CDH16: variants seen among roughly 807,000 people sequenced by gnomAD.
CDH16 encodes the protein cadherin 16, also known as cadherin-16.
CDH16 carries 79 observed loss-of-function variants against 87.6 expected under a neutral mutation model. The observed-to-expected ratio is 0.90, with a 90% CI of 0.75 to 1.09. The LOEUF is 1.09. Ranked by LOEUF, CDH16 falls within the 50% of genes least tolerant of loss-of-function variation. The pLI is 0.00. For synonymous variants in CDH16, 457 were observed against 439.5 expected (o/e 1.04, Z -0.50); for missense variants, 1,124 against 1,071.7 (o/e 1.05, Z -0.68).
At position 66,915,289 on chromosome 16, in the gene CDH16, G is replaced by A. The variant is rs772286543; in HGVS notation, c.514C>T (p.Pro172Ser). The A allele has an allele frequency of 6.2e-7, 1 of 1,613,998 alleles. No individual in the cohort carries two copies. The highest frequency in any genetic ancestry group is 1.7e-5 in the Admixed American group (1 of 60,018). The change falls in exon 6 of 18, where the codon CCA (proline) becomes TCA (serine). Residue 172 changes from proline (P) to serine (S), a missense_variant. Coordinates refer to ENST00000299752, the MANE Select transcript of CDH16 (RefSeq NM_004062.4). ...DLRFHILSQA[P>S]AQPSPDMFQL... is the part of the protein sequence containing the mutation. ...AACATGTCTGGGGAAGGCTGGGCTG[G>A]AGCCTGGCTCAGGATGTGGAATCGA...
intron 9 of CDH16, 25 bp from the exon 10 acceptor site, chr16:66,912,916 T>C: frequency 1.3e-6 from 2 of 1,595,768 alleles, no homozygotes; most frequent in Non-Finnish European, 1.7e-6. Context: ...CCCGCCTGGA[T>C]AGGACCACAG....
In CDH16 at chr16:66,910,207, G is replaced by A. The variant is rs563668783; in HGVS notation, c.2167+53C>T. ...GTAGAAGGGTATCTCACTTCCAAGT[G>A]ACACCCCCTCCCTGCCTTGGCCACA... On this transcript the variant is annotated intron_variant, in intron 15 of 17. Transcript: ENST00000299752. The A allele has an allele frequency of 3.9e-6, 6 of 1,556,850 alleles. 1 individual carries two copies. In the South Asian group the frequency reaches 7.3e-5, roughly 19 times the overall value.
intron 2 of CDH16, 121 bp downstream of exon 2, chr16:66,917,900 G>T: frequency 9.6e-7 from 1 of 1,046,390 alleles, no homozygotes; most frequent in Non-Finnish European, 1.4e-6. Flanking sequence ...TCCCAGCTCT[G>T]ACCCCTCCCA....
chr16:66,912,090 C>G lies in CDH16; in HGVS notation c.1599G>C (p.Gln533His), dbSNP rs1356957059. ...CTGGCCCCACCAGCTTCGCCACACTCTGCACCACCACCACCACCTCATGAC... is the reference window on the plus strand; with the variant it reads ...CTGGCCCCACCAGCTTCGCCACACTGTGCACCACCACCACCACCTCATGAC... ...APSHEVVVVV[Q>H]SVAKLVGPGP... The change falls in exon 13 of 18, where the codon CAG (glutamine) becomes CAC (histidine). Residue 533 changes from glutamine to histidine, a missense_variant. Physicochemically the swap from Gln to His is conservative, Grantham distance 24. Transcript: ENST00000299752. 6.2e-7 allele frequency: 1 copy of G among 1,614,010 alleles called. No homozygotes were observed. The highest frequency in any genetic ancestry group is 1.7e-5 in the Admixed American group (1 of 60,024).
chr16:66,917,601 G>A (rs1163661044), intron 3 of CDH16, 41 bp downstream of exon 3: 1 of 1,441,194 alleles, frequency 6.9e-7, no homozygotes, highest in Non-Finnish European at 9.7e-7. Flanking sequence ...GACTTTGCGG[G>A]GAGGGATCCC....
chr16:66,917,997 G>A, intron 2 of CDH16, 24 bp downstream of exon 2: 1 of 1,559,842 alleles, frequency 6.4e-7, no homozygotes, highest in Non-Finnish European at 8.7e-7. Context: ...AGACCTGAAG[G>A]AGAGGGGGCA....
intron 14 of CDH16, 42 bp downstream of exon 14, chr16:66,911,138 GTT>G (rs779219458): frequency 3.9e-5 from 61 of 1,575,676 alleles, no homozygotes; most frequent in South Asian, 3.4e-4. Flanking sequence ...TCTGTCTGAG[GTT>G]TGTACCCCCT....
chr16:66,913,618 G>A lies in CDH16; in HGVS notation c.781-5C>T, dbSNP rs368341038. ...ATCACCCCCACTCCAGTGTACCTGGGGGGGACACCCCGGGCCAAGGGGCAG... is the reference window on the plus strand; with the variant it reads ...ATCACCCCCACTCCAGTGTACCTGGAGGGGACACCCCGGGCCAAGGGGCAG... On this transcript the variant is annotated splice_polypyrimidine_tract_variant and splice_region_variant and intron_variant, in intron 7 of 17. Coordinates refer to ENST00000299752, the MANE Select transcript of CDH16 (RefSeq NM_004062.4). 3.1e-6 allele frequency: 5 copies of A among 1,613,824 alleles called. No homozygotes were observed. In the South Asian group the frequency reaches 3.3e-5, roughly 11 times the overall value.
Position 66,915,308 on chromosome 16 carries a change from G to A in CDH16, c.495C>T (p.Phe165=), listed in dbSNP as rs200582543. 3.1e-6 allele frequency: 5 copies of A among 1,613,998 alleles called. No individual in the cohort carries two copies. Among genetic ancestry groups the A allele is most frequent in the Non-Finnish European group, 3.4e-6 (4 of 1,179,978 alleles). The part of the protein sequence containing the change: ...EPGTANSDLR[F]HILSQAPAQP... ...GGGCTGGAGCCTGGCTCAGGATGTG[G>A]AATCGAAGATCCGAGTTGGCTGTGC... The change falls in exon 6 of 18, where the codon TTC becomes TTT. Residue 165 remains phenylalanine (F), a synonymous_variant. Coordinates refer to ENST00000299752, the MANE Select transcript of CDH16 (RefSeq NM_004062.4).
chr16:66,910,780 T>C, intron 14 of CDH16: 1 of 399,180 alleles, frequency 2.5e-6, no homozygotes, highest in Admixed American at 4.2e-5. Flanking sequence ...CTCTCTGTCC[T>C]GAGCAGTGTT....
intron 3 of CDH16, 65 bp downstream of exon 3, chr16:66,917,577 G>C (rs921075031): frequency 2.7e-6 from 3 of 1,128,464 alleles, no homozygotes; most frequent in African/African-American, 3.0e-5. Context: ...GGGTGCCAGA[G>C]GAAGGAGAAG....
rs759500751 is a variant in CDH16 at position 66,912,330 on chromosome 16, T to G, written c.1460A>C (p.Asp487Ala). ...ADLEPAFRLM[D>A]FAIERGDTEG... is the part of the protein sequence containing the mutation. ...TGTGTCTCCCCTCTCAATGGCAAAA[T>G]CCATGAGGCGGAAGGCGGGCTCGAG... is the stretch of plus-strand genomic sequence containing the variant. The change falls in exon 12 of 18, where the codon GAT (aspartate) becomes GCT (alanine). Residue 487 changes from aspartate to alanine, a missense_variant. Asp to Ala is a moderately radical substitution (Grantham distance 126). Transcript: ENST00000299752. 3.7e-6 allele frequency: 6 copies of G among 1,613,870 alleles called. No individual in the cohort carries two copies. Among genetic ancestry groups the G allele is most frequent in the Middle Eastern group, 1.7e-4 (1 of 6,060 alleles).
At chr16:66,914,158 T>G (rs569848414) in intron 7 of CDH16, 58 bp downstream of exon 7, 1 of 1,453,902 alleles carries the variant, frequency 6.9e-7, no homozygotes, top group East Asian at 2.3e-5. Flanking sequence ...TCCATGAGAC[T>G]CGGGCCTGGC....
At chr16:66,910,617 G>A in intron 14 of CDH16, 115 bp from the exon 15 acceptor site, 4 of 1,112,544 alleles carry the variant, frequency 3.6e-6, no homozygotes, top group Non-Finnish European at 4.8e-6. Flanking sequence ...CCCCTGCCAT[G>A]CTCCCTCCAT....
Position 66,912,840 on chromosome 16 carries a change from G to C in CDH16, c.1106C>G (p.Pro369Arg), listed in dbSNP as rs758402982. Residue 369 changes from proline to arginine, a missense_variant, in exon 10 of 18, where the codon CCC becomes CGC. By Grantham distance (103) the Pro-to-Arg change is moderately radical. Coordinates refer to ENST00000299752, the MANE Select transcript of CDH16 (RefSeq NM_004062.4). ...SAEDADAPGSPNSHVVYQLLS... is the reference protein window; with the variant it reads ...SAEDADAPGSRNSHVVYQLLS... ...GAGCTGATACACAACGTGGGAATTG[G>C]GGGAGCCGGGGGCATCTGCATCCTC... The C allele has an allele frequency of 2.5e-6, 4 of 1,613,406 alleles. No homozygotes were observed. Among genetic ancestry groups the C allele is most frequent in the Non-Finnish European group, 3.4e-6 (4 of 1,180,024 alleles).
At position 66,909,214 on chromosome 16, in the gene CDH16, GT is replaced by G. The variant is rs1962294067; in HGVS notation, c.2392+52del. ...CAAAGGTGTTTATTTGGAGGCTGTG[GT>G]CCCAACCACCCATCGCCCTCGCCCA... On this transcript the variant is annotated intron_variant, in intron 17 of 17. Coordinates refer to ENST00000299752, the MANE Select transcript of CDH16 (RefSeq NM_004062.4). The surrounding 1 kb of genome is among the most constrained non-coding windows in gnomAD (Gnocchi z 4.1). 1 of 1,142,144 alleles carries G rather than the reference GT, an allele frequency of 8.8e-7. No homozygotes were observed. The highest frequency in any genetic ancestry group is 1.5e-5 in the African/African-American group (1 of 65,902). 70.8% of individuals were successfully genotyped at this position (1,142,144 alleles called of 1,614,324 possible).
chr16:66,911,187 T>C lies in CDH16; in HGVS notation c.1919A>G (p.Asp640Gly), dbSNP rs760433894. 1 of 1,612,416 alleles carries C rather than the reference T, an allele frequency of 6.2e-7. No individual in the cohort carries two copies. Among genetic ancestry groups the C allele is most frequent in the Non-Finnish European group, 8.5e-7 (1 of 1,179,304 alleles). Residue 640 changes from aspartate (D) to glycine (G), a missense_variant, in exon 14 of 18, where the codon GAT (aspartate) becomes GGT (glycine). Physicochemically the swap from Asp to Gly is moderately conservative, Grantham distance 94. Coordinates refer to ENST00000299752, the MANE Select transcript of CDH16 (RefSeq NM_004062.4). ...CCATCACTGCCTGGCCATACCTGTA[T>C]CCTGGGCCTCCACAAGCACCGTGTA... ...DTYTVLVEAQ[D>G]TDEPRLSASA...
chr16:66,918,033 G>T lies in CDH16; in HGVS notation c.33C>A (p.Val11=). ...GGGCCTAGCTCACCTGGGGGACGGA[G>T]ACACAAAGCAGCCACAGCCAGGCAG... The part of the protein sequence containing the change: MVPAWLWLLC[V]SVPQALPKAQ... The change falls in exon 2 of 18, where the codon GTC becomes GTA. Residue 11 remains valine (V), a synonymous_variant. Transcript: ENST00000299752. 1 of 1,583,838 alleles carries T rather than the reference G, an allele frequency of 6.3e-7. No individual in the cohort carries two copies. The highest frequency in any genetic ancestry group is 1.8e-5 in the Admixed American group (1 of 55,366).
At chr16:66,917,061 G>A (rs974832267) in intron 3 of CDH16, among the ~76,000 whole-genome samples, 15 of 151,780 alleles carry the variant, frequency 9.9e-5, no homozygotes, top group African/African-American at 1.5e-4. Flanking sequence ...CAAGACGGGC[G>A]GCTCACCTGA....
Sources: gnomAD v4.1 joint callset for allele counts (sites outside exome capture counted in the v4.1 genomes callset) on GRCh38, gnomAD v4.1.1 for gene constraint, Gnocchi (gnomAD v3.1) non-coding constraint, MANE v1.5 for transcripts, NCBI Gene and HGNC (gene_info 2026-07-23, HGNC 2026-07-21) for gene names.